CTNNA3: variants seen among roughly 807,000 people sequenced by gnomAD.
CTNNA3 encodes catenin alpha 3.
A neutral mutation model predicts 95.7 loss-of-function variants in CTNNA3; 76 were observed. The ratio of observed to expected loss-of-function variants is 0.79; its 90% CI spans 0.66 to 0.96. The LOEUF (loss-of-function observed/expected upper bound fraction) is 0.96. Among genes scored for constraint, CTNNA3 ranks in the 40% least tolerant of loss-of-function variants. The pLI, the probability that CTNNA3 is intolerant of heterozygous loss-of-function variation, is 0.00. For synonymous variants in CTNNA3, 431 were observed against 374.4 expected, an observed-to-expected ratio of 1.15 and a Z score of -1.74; for missense variants, 1,191 against 1,089.8, an observed-to-expected ratio of 1.09 and a Z score of -1.31.
At position 67,428,821 on chromosome 10, in the gene CTNNA3, T is replaced by A. The variant is rs535537322; in HGVS notation, c.579+93021A>T. 2.6e-5 allele frequency among the ~76,000 whole-genome samples: 4 copies of A among 151,960 alleles called. No individual in the cohort carries two copies. In the South Asian group the frequency reaches 8.3e-4, roughly 31 times the overall value. Reference sequence around the variant, plus strand: ...GGGGCTAGCCTACCAGCCTACATATTTCTCCCTTGCTGGATGCTTCCTGCC... The same window carrying A: ...GGGGCTAGCCTACCAGCCTACATATATCTCCCTTGCTGGATGCTTCCTGCC... On this transcript the variant is annotated intron_variant, in intron 5 of 17. Coordinates refer to ENST00000433211, the MANE Select transcript of CTNNA3 (RefSeq NM_013266.4).
chr10:66,424,654 T>C (rs897032027), intron 11 of CTNNA3, among the ~76,000 whole-genome samples: 2 of 152,174 alleles, frequency 1.3e-5, no homozygotes, highest in Non-Finnish European at 1.5e-5. Context: ...TAGTTTATAG[T>C]GACCTCACTT....
intron 5 of CTNNA3, among the ~76,000 whole-genome samples, chr10:67,351,559 A>G (rs1842640307): frequency 6.6e-6 from 1 of 152,076 alleles, no homozygotes; most frequent in South Asian, 2.1e-4. Context: ...AAACATGCCT[A>G]TTAAAAGCAT....
At chr10:66,890,632 T>C (rs1845232324) in intron 7 of CTNNA3, among the ~76,000 whole-genome samples, 2 of 152,058 alleles carry the variant, frequency 1.3e-5, no homozygotes, top group South Asian at 4.2e-4. Flanking sequence ...GTGAATGGTG[T>C]ATGAGGAATT....
chr10:66,415,180 G>T (rs546670687), intron 11 of CTNNA3, among the ~76,000 whole-genome samples: 3 of 152,184 alleles, frequency 2.0e-5, no homozygotes, highest in Non-Finnish European at 1.5e-5. Flanking sequence ...CCATCTGGGG[G>T]CCTGAAGATA....
chr10:67,191,070 A>C (rs1294527139), intron 6 of CTNNA3, among the ~76,000 whole-genome samples: 1 of 152,120 alleles, frequency 6.6e-6, no homozygotes, highest in Non-Finnish European at 1.5e-5. Context: ...GCCAAATTCC[A>C]GGACACTGAC....
intron 12 of CTNNA3, among the ~76,000 whole-genome samples, chr10:66,345,739 A>G (rs368610901): frequency 1.3e-5 from 2 of 152,054 alleles, no homozygotes; most frequent in African/African-American, 4.8e-5. Context: ...CTATGCATAC[A>G]TTTCTGAAAG....
chr10:67,647,447 C>T lies in CTNNA3; in HGVS notation c.67G>A (p.Val23Met), dbSNP rs776250185. 1.4e-5 allele frequency: 23 copies of T among 1,613,236 alleles called. No individual in the cohort carries two copies. Among genetic ancestry groups the T allele is most frequent in the Non-Finnish European group, 1.8e-5 (21 of 1,179,424 alleles). The change falls in exon 2 of 18, where the codon GTG becomes ATG. Residue 23 changes from valine (V) to methionine (M), a missense_variant. Coordinates refer to ENST00000433211, the MANE Select transcript of CTNNA3 (RefSeq NM_013266.4). ...ATGAGAGGCTCCAGTAGCTTCTCCA[C>T]GGTGAATGTTTGGACCTGCAGATCC... ...PQDLQVQTFT[V>M]EKLLEPLIIQ...
At chr10:66,435,295 T>A (rs1318730433) in intron 11 of CTNNA3, among the ~76,000 whole-genome samples, 2 of 152,184 alleles carry the variant, frequency 1.3e-5, no homozygotes, top group African/African-American at 4.8e-5. Context: ...TTTTGGTTGG[T>A]AAGCTATTAA....
intron 10 of CTNNA3, among the ~76,000 whole-genome samples, chr10:66,561,608 TACTC>T (rs924481925): frequency 3.4e-4 from 51 of 152,146 alleles, no homozygotes; most frequent in African/African-American, 1.2e-3. Flanking sequence ...GGTTGGATGA[TACTC>T]AGTATCACAA....
At chr10:66,632,291 C>T (rs886396375) in intron 9 of CTNNA3, among the ~76,000 whole-genome samples, 11 of 152,004 alleles carry the variant, frequency 7.2e-5, no homozygotes, top group South Asian at 2.1e-4. Context: ...CGGTGGCTCA[C>T]GTCTGTAATC....
chr10:66,508,811 T>C (rs56299411), intron 11 of CTNNA3, among the ~76,000 whole-genome samples: 23,176 of 152,136 alleles, frequency 0.15, 1,845 homozygotes, highest in Non-Finnish European at 0.17. Context: ...GTTTATTCCA[T>C]ATCTTCGCTC....
chr10:67,390,359 A>G (rs1270530235), intron 5 of CTNNA3, among the ~76,000 whole-genome samples: 2 of 152,236 alleles, frequency 1.3e-5, no homozygotes, highest in Admixed American at 1.3e-4. Context: ...AACCAGGAAG[A>G]AACTGAATCT....
chr10:66,349,737 GT>G (rs987263107), intron 12 of CTNNA3, among the ~76,000 whole-genome samples: 1 of 151,796 alleles, frequency 6.6e-6, no homozygotes, highest in East Asian at 1.9e-4. Context: ...AAGTTTGAGA[GT>G]TTTTTTTGTA....
intron 9 of CTNNA3, among the ~76,000 whole-genome samples, chr10:66,736,672 A>G (rs910984843): frequency 5.9e-5 from 9 of 151,880 alleles, no homozygotes; most frequent in African/African-American, 1.9e-4. Flanking sequence ...AATTATAGTT[A>G]TTATTTCCTA....
At chr10:67,430,774 G>A (rs1260975201) in intron 5 of CTNNA3, among the ~76,000 whole-genome samples, 1 of 148,266 alleles carries the variant, frequency 6.7e-6, no homozygotes, top group Non-Finnish European at 1.5e-5. Flanking sequence ...TTATGGGCTG[G>A]AAAAAATGGT....
At chr10:66,550,080 A>T (rs757674078) in intron 10 of CTNNA3, among the ~76,000 whole-genome samples, 1 of 152,078 alleles carries the variant, frequency 6.6e-6, no homozygotes, top group Non-Finnish European at 1.5e-5. Context: ...CTATCTCTTA[A>T]ATTCTATCAA....
intron 17 of CTNNA3, among the ~76,000 whole-genome samples, chr10:65,935,089 T>C (rs1479440424): frequency 6.6e-6 from 1 of 152,144 alleles, no homozygotes; most frequent in Admixed American, 6.6e-5. Flanking sequence ...TTTGAGTTAT[T>C]CCTGTTCATA....
At chr10:66,315,254 T>C (rs576039898) in intron 12 of CTNNA3, among the ~76,000 whole-genome samples, 1 of 152,170 alleles carries the variant, frequency 6.6e-6, no homozygotes, top group Non-Finnish European at 1.5e-5. Context: ...CCTGATGACT[T>C]AATGTATCTT....
chr10:66,159,086 T>C (rs1296889184), intron 13 of CTNNA3, among the ~76,000 whole-genome samples: 1 of 151,832 alleles, frequency 6.6e-6, no homozygotes, highest in East Asian at 1.9e-4. Context: ...TCAAGGTAAA[T>C]GATCATGTCA....
Sources: gnomAD v4.1 joint callset for allele counts (sites outside exome capture counted in the v4.1 genomes callset) on GRCh38, gnomAD v4.1.1 for gene constraint, MANE v1.5 for transcripts, NCBI Gene and HGNC (gene_info 2026-07-23, HGNC 2026-07-21) for gene names.